The following PLCL1 variants were observed in gnomAD, a reference collection of about 807,000 sequenced individuals.
PLCL1 encodes the protein inactive phospholipase C-like protein 1.
A neutral mutation model predicts 84.4 loss-of-function variants in PLCL1; 41 were observed. That is an observed-to-expected ratio of 0.49 (90% CI 0.38 to 0.63). PLCL1 has a LOEUF of 0.63. PLCL1 is among the 30% of genes least tolerant of loss of function. The pLI is 0.00. For synonymous variants in PLCL1, 490 were observed against 488.3 expected (o/e 1.00, Z -0.05); for missense variants, 1,206 against 1,367.8 (o/e 0.88, Z 1.87).
intron 5 of PLCL1, among the ~76,000 whole-genome samples, chr2:198,136,059 G>T (rs1694248488): frequency 6.6e-6 from 1 of 152,106 alleles, no homozygotes; most frequent in Non-Finnish European, 1.5e-5. Flanking sequence ...AATGAGTAAT[G>T]CAATCCTGGC....
chr2:198,076,170 C>CT (rs11465077), intron 1 of PLCL1, among the ~76,000 whole-genome samples: 78,527 of 150,478 alleles, frequency 0.52, 21,081 homozygotes, highest in Middle Eastern at 0.65. Context: ...GAAATGGACT[C>CT]TTTTTTTTTT....
intron 3 of PLCL1, 56 bp from the exon 4 acceptor site, chr2:198,101,229 A>AT: frequency 9.7e-7 from 1 of 1,028,230 alleles, no homozygotes; most frequent in South Asian, 1.3e-5. Flanking sequence ...TCGTCTTCCC[A>AT]ATGAGCCAGT....
intron 1 of PLCL1, among the ~76,000 whole-genome samples, chr2:197,897,180 CT>C (rs1688162688): frequency 3.8e-5 from 1 of 26,174 alleles, no homozygotes; most frequent in Non-Finnish European, 6.9e-5. Context: ...TCTTCTTCTT[CT>C]TCTTCTTCTC....
At position 198,085,252 on chromosome 2, in the gene PLCL1, A is replaced by G. The variant is rs147098937; in HGVS notation, c.1735A>G (p.Ile579Val). The change falls in exon 2 of 6, where the codon ATC (isoleucine) becomes GTC (valine). Residue 579 changes from isoleucine (I) to valine (V), a missense_variant. Ile to Val is a conservative substitution (Grantham distance 29). Transcript: ENST00000428675. The surrounding 1 kb of genome is among the most constrained non-coding windows in gnomAD (Gnocchi z 5.3). ...AGATTACAATGGTGAGCAGAAGCAA[A>G]TCCGACTCTGTAGGGAGCTCTCTGA... The part of the protein sequence containing the change: ...SVDYNGEQKQ[I>V]RLCRELSDLV... The G allele has an allele frequency of 1.9e-6, 3 of 1,613,968 alleles. No homozygotes were observed. Among genetic ancestry groups the G allele is most frequent in the African/African-American group, 1.3e-5 (1 of 74,934 alleles).
intron 1 of PLCL1, among the ~76,000 whole-genome samples, chr2:197,948,361 G>A (rs1356550912): frequency 6.6e-6 from 1 of 152,186 alleles, no homozygotes; most frequent in African/African-American, 2.4e-5. Flanking sequence ...GAACCAGGTT[G>A]TTTTTAGAGA....
At chr2:197,907,943 T>A (rs1688415561) in intron 1 of PLCL1, among the ~76,000 whole-genome samples, 2 of 152,192 alleles carry the variant, frequency 1.3e-5, no homozygotes, top group Admixed American at 1.3e-4. Flanking sequence ...AATGAGCAGC[T>A]AAGGTTGAGG....
At chr2:198,057,790 C>CT (rs1692103778) in intron 1 of PLCL1, among the ~76,000 whole-genome samples, 1 of 152,160 alleles carries the variant, frequency 6.6e-6, no homozygotes, top group Non-Finnish European at 1.5e-5. Flanking sequence ...TAGTGCTACT[C>CT]TTATTAACTA....
At chr2:197,903,641 G>A (rs1312620410) in intron 1 of PLCL1, among the ~76,000 whole-genome samples, 1 of 127,946 alleles carries the variant, frequency 7.8e-6, no homozygotes, top group South Asian at 2.7e-4. Flanking sequence ...CCGCCACCAC[G>A]CCCAGCTATT....
At chr2:197,848,879 T>C (rs1412488674) in intron 1 of PLCL1, among the ~76,000 whole-genome samples, 1 of 152,072 alleles carries the variant, frequency 6.6e-6, no homozygotes, top group Non-Finnish European at 1.5e-5. Context: ...CCTGGGGAAG[T>C]AAAGAGACGG....
rs1425886545 is a variant in PLCL1 at position 198,148,181 on chromosome 2, C to A, written c.*1219C>A. On this transcript the variant is annotated 3_prime_UTR_variant, in exon 6 of 6. Coordinates refer to ENST00000428675, the MANE Select transcript of PLCL1 (RefSeq NM_006226.4). ...GTTACCTCCAACAGAACTAAATGTT[C>A]TATGGTTATGAAAGAATATATTTAT... is the stretch of plus-strand genomic sequence containing the variant. 3 of 152,280 alleles carry A rather than the reference C, an allele frequency of 2.0e-5. No homozygotes were observed. In the East Asian group the frequency reaches 5.6e-4, roughly 29 times the overall value. The allele number at this position is 152,280 out of a possible 1,614,324, so 9.4% of individuals were successfully genotyped here. A position where few individuals can be genotyped will look rare whatever the true frequency, so the allele number is the denominator to read the frequency against.
intron 4 of PLCL1, among the ~76,000 whole-genome samples, chr2:198,103,540 A>T (rs1428441880): frequency 6.6e-6 from 1 of 151,774 alleles, no homozygotes; most frequent in African/African-American, 2.4e-5. Context: ...CATTCTTCCT[A>T]TTTTTTTGTA....
chr2:197,931,771 TA>T (rs1688939966), intron 1 of PLCL1, among the ~76,000 whole-genome samples: 2 of 148,816 alleles, frequency 1.3e-5, no homozygotes, highest in Admixed American at 1.4e-4. Context: ...TTCCCAGTTT[TA>T]AATTCAGTGG....
At chr2:198,066,769 T>C (rs565494067) in intron 1 of PLCL1, among the ~76,000 whole-genome samples, 2 of 152,252 alleles carry the variant, frequency 1.3e-5, no homozygotes, top group Admixed American at 1.3e-4. Context: ...CCTCAGGATC[T>C]TCCCGTGCTG....
chr2:198,026,536 T>A (rs1457271891), intron 1 of PLCL1, among the ~76,000 whole-genome samples: 1 of 152,216 alleles, frequency 6.6e-6, no homozygotes, highest in Non-Finnish European at 1.5e-5. Context: ...GACAGATTTC[T>A]AGATTGTAAA....
chr2:197,869,983 T>G (rs1246451516), intron 1 of PLCL1, among the ~76,000 whole-genome samples: 1 of 152,166 alleles, frequency 6.6e-6, no homozygotes, highest in Admixed American at 6.6e-5. Context: ...ATCAGAAATC[T>G]TAAATGGTAG....
chr2:198,094,115 A>G (rs532741853), intron 3 of PLCL1, among the ~76,000 whole-genome samples: 11 of 152,098 alleles, frequency 7.2e-5, no homozygotes, highest in East Asian at 3.9e-4. Context: ...AGACTGGAGT[A>G]CAGTGGCGCG....
intron 1 of PLCL1, among the ~76,000 whole-genome samples, chr2:197,986,296 C>T (rs1690216344): frequency 6.6e-6 from 1 of 152,136 alleles, no homozygotes; most frequent in Non-Finnish European, 1.5e-5. Context: ...AGACAAGGCT[C>T]TGTGTGCTGC....
At chr2:197,979,160 T>C (rs531154218) in intron 1 of PLCL1, among the ~76,000 whole-genome samples, 5 of 152,234 alleles carry the variant, frequency 3.3e-5, no homozygotes, top group Admixed American at 1.3e-4. Flanking sequence ...GTATCTGTTA[T>C]GGACTTAGAG....
At chr2:198,016,552 G>A (rs1173629820) in intron 1 of PLCL1, among the ~76,000 whole-genome samples, 1 of 152,154 alleles carries the variant, frequency 6.6e-6, no homozygotes, top group Non-Finnish European at 1.5e-5. Context: ...CTTTCTAGCT[G>A]GGAGACTTGA....
Sources: allele counts gnomAD v4.1 joint callset (sites outside exome capture counted in the v4.1 genomes callset), GRCh38; gene constraint gnomAD v4.1.1; non-coding constraint Gnocchi (gnomAD v3.1); transcripts MANE v1.5; gene names NCBI Gene and HGNC (gene_info 2026-07-23, HGNC 2026-07-21).